The following RAD51B variants were observed in gnomAD, a reference collection of about 807,000 sequenced individuals.
RAD51B encodes DNA repair protein RAD51 homolog 2.
In RAD51B, 38 loss-of-function variants were observed where a neutral mutation model predicts 42.2. The ratio of observed to expected loss-of-function variants is 0.90; its 90% CI spans 0.70 to 1.18. The LOEUF is 1.18. RAD51B is among the 50% of genes most tolerant of loss of function. The probability of loss-of-function intolerance (pLI) is 0.00; values close to 1 mark genes in which losing one functional copy is unlikely to be tolerated. For missense variants in RAD51B, 373 were observed against 400.7 expected, an observed-to-expected ratio of 0.93 and a Z score of 0.59; for synonymous variants, 154 against 145.2, an observed-to-expected ratio of 1.06 and a Z score of -0.43.
At chr14:68,275,981 A>T (rs538423439) in intron 7 of RAD51B, among the ~76,000 whole-genome samples, 17 of 152,156 alleles carry the variant, frequency 1.1e-4, no homozygotes, top group Non-Finnish European at 2.1e-4. Context: ...GATCATGCAG[A>T]CATGAGATGC....
intron 10 of RAD51B, among the ~76,000 whole-genome samples, chr14:68,603,749 C>T (rs2140097531): frequency 6.6e-6 from 1 of 152,298 alleles, no homozygotes; most frequent in South Asian, 2.1e-4. Context: ...TCAAGCTGTC[C>T]CAAAGACAGA....
chr14:68,487,293 T>C (rs551604307), intron 10 of RAD51B, among the ~76,000 whole-genome samples: 86 of 152,334 alleles, frequency 5.6e-4, no homozygotes, highest in Non-Finnish European at 1.1e-3. Flanking sequence ...TCTGTGTGTG[T>C]GAGCTCTTAG....
At chr14:68,247,799 T>C (rs189958870) in intron 7 of RAD51B, among the ~76,000 whole-genome samples, 1 of 152,340 alleles carries the variant, frequency 6.6e-6, no homozygotes, top group East Asian at 1.9e-4. Flanking sequence ...TTAAGAATGA[T>C]CACTAGCACT....
chr14:68,368,356 T>A (rs1358353734), intron 8 of RAD51B, among the ~76,000 whole-genome samples: 2 of 152,214 alleles, frequency 1.3e-5, no homozygotes, highest in Admixed American at 1.3e-4. Context: ...CTCCCACCGG[T>A]CATAGCTAAG....
At chr14:67,850,402 G>C (rs894714189) in intron 4 of RAD51B, among the ~76,000 whole-genome samples, 2 of 151,944 alleles carry the variant, frequency 1.3e-5, no homozygotes, top group Non-Finnish European at 2.9e-5. Context: ...TCACTAAAGG[G>C]TGTGACTTAA....
chr14:68,517,290 G>A (rs1886231381), intron 10 of RAD51B, among the ~76,000 whole-genome samples: 2 of 152,014 alleles, frequency 1.3e-5, no homozygotes, highest in African/African-American at 4.8e-5. Flanking sequence ...GAGGGGAGGA[G>A]AGAAAAAGTA....
At chr14:68,339,505 C>T in intron 8 of RAD51B, 1 of 423,908 alleles carries the variant, frequency 2.4e-6, no homozygotes, top group Non-Finnish European at 4.2e-6. Flanking sequence ...ATTTTTTCTC[C>T]TTGGCTTTCT....
intron 7 of RAD51B, among the ~76,000 whole-genome samples, chr14:68,093,813 A>G (rs1470441909): frequency 6.6e-6 from 1 of 152,090 alleles, no homozygotes; most frequent in African/African-American, 2.4e-5. Flanking sequence ...CCTCCTTGCT[A>G]CTGCAAACAA....
chr14:67,832,795 G>A (rs772283957), intron 3 of RAD51B, among the ~76,000 whole-genome samples: 19 of 151,992 alleles, frequency 1.3e-4, no homozygotes, highest in Non-Finnish European at 2.5e-4. Flanking sequence ...ACAGTGCCCT[G>A]GAGCAGGCAA....
At chr14:68,167,006 T>A (rs2078767051) in intron 7 of RAD51B, among the ~76,000 whole-genome samples, 1 of 152,174 alleles carries the variant, frequency 6.6e-6, no homozygotes, top group Non-Finnish European at 1.5e-5. Context: ...GCTGCAATTG[T>A]CTTCCTGCCA....
intron 7 of RAD51B, among the ~76,000 whole-genome samples, chr14:68,117,477 G>T (rs1225468585): frequency 1.3e-5 from 2 of 152,134 alleles, no homozygotes; most frequent in Non-Finnish European, 2.9e-5. Flanking sequence ...CACACTGCCT[G>T]CAGGCTGCTT....
chr14:68,596,560 C>T (rs1891007337), downstream of RAD51B, among the ~76,000 whole-genome samples: 2 of 152,122 alleles, frequency 1.3e-5, no homozygotes, highest in African/African-American at 2.4e-5. Flanking sequence ...TTTTGTCTGG[C>T]TCATAGGACC....
intron 7 of RAD51B, among the ~76,000 whole-genome samples, chr14:68,071,888 G>C (rs1338373535): frequency 6.6e-6 from 1 of 150,828 alleles, no homozygotes; most frequent in Non-Finnish European, 1.5e-5. Context: ...ACCTGGTCCA[G>C]GGCTTTTTCT....
chr14:68,098,226 T>G (rs2077227880), intron 7 of RAD51B, among the ~76,000 whole-genome samples: 2 of 152,242 alleles, frequency 1.3e-5, no homozygotes, highest in South Asian at 4.1e-4. Flanking sequence ...GAATATAGAA[T>G]AGAATAAGTC....
intron 7 of RAD51B, among the ~76,000 whole-genome samples, chr14:68,029,253 G>A (rs941913556): frequency 1.3e-5 from 2 of 152,130 alleles, no homozygotes; most frequent in African/African-American, 4.8e-5. Context: ...CTCTTGTGGG[G>A]AGCAGTGCTT....
intron 7 of RAD51B, among the ~76,000 whole-genome samples, chr14:68,252,829 C>G (rs1279822683): frequency 6.6e-6 from 1 of 151,880 alleles, no homozygotes; most frequent in Non-Finnish European, 1.5e-5. Flanking sequence ...TCCTGTAATC[C>G]TAGCGCTTTG....
chr14:68,551,228 C>G (rs915432601), intron 10 of RAD51B, among the ~76,000 whole-genome samples: 1 of 152,164 alleles, frequency 6.6e-6, no homozygotes, highest in East Asian at 1.9e-4. Flanking sequence ...ATCACTGTCC[C>G]TACAGCTCAC....
intron 9 of RAD51B, among the ~76,000 whole-genome samples, chr14:68,420,545 G>C (rs372023528): frequency 6.6e-6 from 1 of 152,018 alleles, no homozygotes; most frequent in African/African-American, 2.4e-5. Flanking sequence ...GACCATATAC[G>C]GTAACTTCCT....
At chr14:68,673,827 C>T (rs1412783317) in intron 11 of RAD51B, among the ~76,000 whole-genome samples, 1 of 151,122 alleles carries the variant, frequency 6.6e-6, no homozygotes, top group African/African-American at 2.4e-5. Context: ...CATACACATA[C>T]TGTACATACA....
Sources: gnomAD v4.1 joint callset for allele counts (sites outside exome capture counted in the v4.1 genomes callset) on GRCh38, gnomAD v4.1.1 for gene constraint, MANE v1.5 for transcripts, NCBI Gene and HGNC (gene_info 2026-07-23, HGNC 2026-07-21) for gene names.